The following GAPVD1 variants were observed in gnomAD, a reference collection of about 807,000 sequenced individuals.
GAPVD1 encodes the protein GTPase-activating protein and VPS9 domain-containing protein 1.
GAPVD1 carries 35 observed loss-of-function variants against 155.5 expected under a neutral mutation model. The observed-to-expected ratio is 0.23, with a 90% confidence interval of 0.17 to 0.30. The LOEUF (loss-of-function observed/expected upper bound fraction) is 0.30. Ranked by LOEUF, GAPVD1 falls within the 10% of genes least tolerant of loss-of-function variation. GAPVD1 has a pLI of 1.00. For synonymous variants in GAPVD1, 636 were observed against 619.7 expected, an observed-to-expected ratio of 1.03 and a Z score of -0.39; for missense variants, 1,429 against 1,775.7, an observed-to-expected ratio of 0.80 and a Z score of 3.51.
At chr9:125,362,027 A>G (rs555824320) in intron 27 of GAPVD1, among the ~76,000 whole-genome samples, 2 of 152,316 alleles carry the variant, frequency 1.3e-5, no homozygotes, top group East Asian at 1.9e-4. Context: ...TCTGGCTTCC[A>G]CATGTGATAA....
chr9:125,293,852 T>TATA (rs1839177348), intron 2 of GAPVD1, among the ~76,000 whole-genome samples: 63 of 35,184 alleles, frequency 1.8e-3, no homozygotes, highest in East Asian at 2.7e-3. Context: ...AAAATATATT[T>TATA]TATATATATA....
At chr9:125,300,195 TTTTTG>T in intron 4 of GAPVD1, among the ~76,000 whole-genome samples, 1 of 146,354 alleles carries the variant, frequency 6.8e-6, no homozygotes, top group East Asian at 2.0e-4. Context: ...TTTTTTTTTT[TTTTTG>T]AGTTGGAGTC....
rs1426105410 is a variant in GAPVD1, at chr9:125,363,192, G to C, written c.*446G>C. ...ATGAGTTGCACTGAGGATTAGAATAGTGGTGCGTTAGTGGCATTATCTATA... is the reference window on the plus strand; with the variant it reads ...ATGAGTTGCACTGAGGATTAGAATACTGGTGCGTTAGTGGCATTATCTATA... On this transcript the variant is annotated 3_prime_UTR_variant, in exon 28 of 28. Coordinates refer to ENST00000297933, the MANE Select transcript of GAPVD1 (RefSeq NM_001282680.3). 6.6e-6 allele frequency: 1 copy of C among 152,176 alleles called. No individual in the cohort carries two copies. The highest frequency in any genetic ancestry group is 2.4e-5 in the African/African-American group (1 of 41,428). The allele number at this position is 152,176 out of a possible 1,614,324, so 9.4% of individuals were successfully genotyped here. A position where few individuals can be genotyped will look rare whatever the true frequency, so the allele number is the denominator to read the frequency against.
At position 125,321,417 on chromosome 9, in the gene GAPVD1, A is replaced by G; in HGVS notation, c.1603-16A>G. On this transcript the variant is annotated splice_polypyrimidine_tract_variant and intron_variant, in intron 9 of 27. Transcript: ENST00000297933. ...TCTTTCCATTGATAAACCAAAATTGACATTTTATTTTTTAGGTCCTAAACA... is the reference window on the plus strand; with the variant it reads ...TCTTTCCATTGATAAACCAAAATTGGCATTTTATTTTTTAGGTCCTAAACA... The G allele has an allele frequency of 6.2e-7, 1 of 1,600,780 alleles. No homozygotes were observed. Among genetic ancestry groups the G allele is most frequent in the Non-Finnish European group, 8.5e-7 (1 of 1,170,780 alleles).
At chr9:125,302,895 G>A in intron 5 of GAPVD1, 69 bp downstream of exon 5, 2 of 1,512,912 alleles carry the variant, frequency 1.3e-6, no homozygotes, top group Non-Finnish European at 1.8e-6. Flanking sequence ...TGTGGGGGTG[G>A]GAACAAATAA....
intron 2 of GAPVD1, among the ~76,000 whole-genome samples, chr9:125,286,057 T>A (rs1001974471): frequency 1.3e-5 from 2 of 151,944 alleles, no homozygotes; most frequent in African/African-American, 4.8e-5. Context: ...ATCCACCTGC[T>A]TTGGCCTGCC....
chr9:125,273,933 T>TA (rs1835323006), intron 2 of GAPVD1, among the ~76,000 whole-genome samples: 1 of 151,794 alleles, frequency 6.6e-6, no homozygotes, highest in African/African-American at 2.4e-5. Context: ...TTTCTTTTTT[T>TA]TAAAAAAAAA....
In GAPVD1 at chr9:125,307,627, G is replaced by T. The variant is rs549044455; in HGVS notation, c.1252-64G>T. 12 of 1,556,648 alleles carry T rather than the reference G, an allele frequency of 7.7e-6. No individual in the cohort carries two copies. In the East Asian group the frequency reaches 2.7e-4, roughly 35 times the overall value. ...GCAAAAACATACATGAGTACATTGTGTGGGAAATACATATTGTATTTGAAA... is the reference window on the plus strand; with the variant it reads ...GCAAAAACATACATGAGTACATTGTTTGGGAAATACATATTGTATTTGAAA... On this transcript the variant is annotated intron_variant, in intron 7 of 27. Transcript: ENST00000297933.
chr9:125,264,594 G>A (rs1408110158), intron 1 of GAPVD1, among the ~76,000 whole-genome samples: 1 of 152,142 alleles, frequency 6.6e-6, no homozygotes, highest in Non-Finnish European at 1.5e-5. Context: ...GAATATGTTG[G>A]CCTTTAAATT....
intron 2 of GAPVD1, among the ~76,000 whole-genome samples, chr9:125,286,431 A>G (rs1416575957): frequency 6.6e-6 from 1 of 150,864 alleles, no homozygotes; most frequent in Non-Finnish European, 1.5e-5. Context: ...GGCATGAACC[A>G]CCACTCCTGG....
At chr9:125,296,985 ACTGT>A (rs1280818783) in intron 3 of GAPVD1, among the ~76,000 whole-genome samples, 1 of 152,154 alleles carries the variant, frequency 6.6e-6, no homozygotes, top group Non-Finnish European at 1.5e-5. Context: ...TAACTTGATG[ACTGT>A]CTGCTGCCCA....
chr9:125,361,748 G>T (rs1240894749), intron 27 of GAPVD1, among the ~76,000 whole-genome samples: 1 of 152,054 alleles, frequency 6.6e-6, no homozygotes, highest in African/African-American at 2.4e-5. Flanking sequence ...TCTAGTTCTT[G>T]TTGACTTTAA....
intron 15 of GAPVD1, among the ~76,000 whole-genome samples, chr9:125,334,439 G>A (rs1303606124): frequency 6.6e-6 from 1 of 152,104 alleles, no homozygotes; most frequent in Non-Finnish European, 1.5e-5. Flanking sequence ...ATGATGAGAT[G>A]TCTCAAGAAG....
chr9:125,337,201 CTT>C lies in GAPVD1; in HGVS notation c.2507-14_2507-13del, dbSNP rs780679928. ...GATATGTTGTGTCTCAGTTACAAAA[CTT>C]TTTTTCCTGTGTTGCAGGGGCTTCT... On this transcript the variant is annotated intron_variant, in intron 16 of 27. Transcript: ENST00000297933. 1 of 1,612,324 alleles carries C rather than the reference CTT, an allele frequency of 6.2e-7. No homozygotes were observed. The highest frequency in any genetic ancestry group is 8.5e-7 in the Non-Finnish European group (1 of 1,178,910).
intron 23 of GAPVD1, 102 bp downstream of exon 23, chr9:125,350,974 G>A (rs72767063): frequency 0.024 from 22,325 of 919,028 alleles, 341 homozygotes; most frequent in Non-Finnish European, 0.031. Flanking sequence ...CCTACAAAGT[G>A]CTTGGCTGTA....
chr9:125,290,550 G>A (rs565407602), intron 2 of GAPVD1, among the ~76,000 whole-genome samples: 15 of 152,286 alleles, frequency 9.8e-5, no homozygotes, highest in South Asian at 6.2e-4. Context: ...AGACAAAAGC[G>A]CGGAGCCGAA....
chr9:125,335,484 T>A (rs145693826), intron 15 of GAPVD1, among the ~76,000 whole-genome samples: 3,281 of 152,096 alleles, frequency 0.022, 120 homozygotes, highest in African/African-American at 0.075. Flanking sequence ...GAGACCATCC[T>A]GGCCAACATG....
chr9:125,314,944 C>T (rs575117727), intron 9 of GAPVD1, among the ~76,000 whole-genome samples: 9 of 151,994 alleles, frequency 5.9e-5, no homozygotes, highest in African/African-American at 1.2e-4. Context: ...CCCGCCACCA[C>T]GCCCGGCTAT....
chr9:125,350,886 C>G lies in GAPVD1; in HGVS notation c.3569+14C>G, dbSNP rs1448518917. The G allele has an allele frequency of 1.3e-6, 2 of 1,590,422 alleles. No individual in the cohort carries two copies. Among genetic ancestry groups the G allele is most frequent in the Non-Finnish European group, 1.7e-6 (2 of 1,168,344 alleles). ...TGAGGACTACAGGTAATATACCCCACCTGTTCAGCTTTTAAACCTAGTTGT... is the reference window on the plus strand; with the variant it reads ...TGAGGACTACAGGTAATATACCCCAGCTGTTCAGCTTTTAAACCTAGTTGT... On this transcript the variant is annotated intron_variant, in intron 23 of 27. Transcript: ENST00000297933.
Sources: allele counts gnomAD v4.1 joint callset (sites outside exome capture counted in the v4.1 genomes callset), GRCh38; gene constraint gnomAD v4.1.1; transcripts MANE v1.5; gene names NCBI Gene and HGNC (gene_info 2026-07-23, HGNC 2026-07-21).